CFAP299: variants seen among roughly 807,000 people sequenced by gnomAD.
CFAP299 encodes the protein cilia and flagella associated protein 299, also known as cilia- and flagella-associated protein 299.
Under a neutral mutation model 27.0 loss-of-function variants are expected in CFAP299, and 21 were observed. That is an observed-to-expected ratio of 0.78 (90% CI 0.55 to 1.12). The LOEUF (loss-of-function observed/expected upper bound fraction) is 1.12. Among genes scored for constraint, CFAP299 ranks in the 50% most tolerant of loss-of-function variants. The pLI is 0.00. For synonymous variants in CFAP299, 104 were observed against 98.1 expected (o/e 1.06, Z -0.36); for missense variants, 310 against 276.6 (o/e 1.12, Z -0.86).
intron 2 of CFAP299, among the ~76,000 whole-genome samples, chr4:80,438,482 G>T (rs567121440): frequency 3.9e-5 from 6 of 152,072 alleles, no homozygotes; most frequent in Non-Finnish European, 5.9e-5. Flanking sequence ...TCATCTATTT[G>T]TGAGGATTAA....
intron 2 of CFAP299, among the ~76,000 whole-genome samples, chr4:80,474,849 G>A (rs569021109): frequency 2.6e-4 from 40 of 152,276 alleles, no homozygotes; most frequent in Non-Finnish European, 4.0e-4. Flanking sequence ...TAGTGAGGAA[G>A]AGAGATCATA....
At chr4:80,369,241 A>G (rs184454075) in intron 2 of CFAP299, among the ~76,000 whole-genome samples, 2 of 151,918 alleles carry the variant, frequency 1.3e-5, no homozygotes, top group East Asian at 3.9e-4. Flanking sequence ...TGAGTGATGC[A>G]TCTTGTAACA....
At chr4:80,741,342 G>T (rs879735863) in intron 3 of CFAP299, among the ~76,000 whole-genome samples, 12 of 152,072 alleles carry the variant, frequency 7.9e-5, no homozygotes, top group Non-Finnish European at 1.5e-5. Flanking sequence ...TCCACCTCCT[G>T]GGTTCAAGCA....
At chr4:80,706,124 C>A (rs1323814722) in intron 3 of CFAP299, among the ~76,000 whole-genome samples, 1 of 151,702 alleles carries the variant, frequency 6.6e-6, no homozygotes, top group Non-Finnish European at 1.5e-5. Flanking sequence ...ATGGAATGTT[C>A]TATATTCAGA....
rs115112598 is a variant in CFAP299, at chr4:80,473,666, G to A, written c.243-109427G>A. On this transcript the variant is annotated intron_variant, in intron 2 of 5. Transcript: ENST00000358105. ...GCTCACTGCAGCCTCAACCTCCCAA[G>A]CTCAAGCCTTCTTCCCGCCTCAGCT... is the stretch of plus-strand genomic sequence containing the variant. Among the ~76,000 whole-genome samples the A allele has an allele frequency of 8.6e-3, 1,302 of 152,112 alleles. 19 individuals are homozygous for A. The highest frequency in any genetic ancestry group is 0.03 in the African/African-American group (1,243 of 41,488).
At chr4:80,636,392 CAAT>C (rs1404807280) in intron 3 of CFAP299, among the ~76,000 whole-genome samples, 1 of 151,914 alleles carries the variant, frequency 6.6e-6, no homozygotes, top group Non-Finnish European at 1.5e-5. Flanking sequence ...CAAAGAAAAG[CAAT>C]AAAGTTTACA....
At chr4:80,502,369 G>A (rs1183093217) in intron 2 of CFAP299, among the ~76,000 whole-genome samples, 2 of 152,052 alleles carry the variant, frequency 1.3e-5, no homozygotes, top group African/African-American at 4.8e-5. Flanking sequence ...TGAAGAGCAA[G>A]TCAATTTTAA....
intron 3 of CFAP299, among the ~76,000 whole-genome samples, chr4:80,593,111 G>A (rs1024224158): frequency 6.6e-6 from 1 of 152,084 alleles, no homozygotes; most frequent in East Asian, 1.9e-4. Context: ...GTCTTCACAG[G>A]GTTGTTCTGT....
chr4:80,763,530 C>G (rs1253339411), intron 3 of CFAP299, among the ~76,000 whole-genome samples: 1 of 152,060 alleles, frequency 6.6e-6, no homozygotes, highest in Non-Finnish European at 1.5e-5. Flanking sequence ...GCATACTACT[C>G]ATAGTAATTT....
chr4:80,865,243 G>A lies in CFAP299; in HGVS notation c.334-4750G>A, dbSNP rs150037975. Among the ~76,000 whole-genome samples the A allele has an allele frequency of 2.2e-4, 34 of 152,216 alleles. 2 individuals are homozygous for A. In the East Asian group the frequency reaches 5.2e-3, roughly 23 times the overall value. ...AGAATATAGTGGCTTCTTAATAAAC[G>A]ATAACAAGTATTCATAGAAGAAATA... On this transcript the variant is annotated intron_variant, in intron 3 of 5. Coordinates refer to ENST00000358105, the MANE Select transcript of CFAP299 (RefSeq NM_152770.3).
At chr4:80,870,497 T>C (rs2110168203) in intron 4 of CFAP299, 2 of 993,042 alleles carry the variant, frequency 2.0e-6, no homozygotes, top group South Asian at 9.2e-5. Context: ...CACTTTTCTT[T>C]GGTCACCAGC....
At chr4:80,883,605 AGTAAT>A (rs1363495799) in intron 4 of CFAP299, among the ~76,000 whole-genome samples, 2 of 152,176 alleles carry the variant, frequency 1.3e-5, no homozygotes, top group Non-Finnish European at 2.9e-5. Flanking sequence ...TGTTACATAA[AGTAAT>A]AATTAAAAGA....
chr4:80,673,120 C>A (rs1741599390), intron 3 of CFAP299, among the ~76,000 whole-genome samples: 1 of 152,120 alleles, frequency 6.6e-6, no homozygotes, highest in Non-Finnish European at 1.5e-5. Context: ...GATTTTAGAT[C>A]TTTCCTGCTT....
intron 3 of CFAP299, among the ~76,000 whole-genome samples, chr4:80,606,439 G>A (rs2096783300): frequency 6.6e-6 from 1 of 152,252 alleles, no homozygotes; most frequent in Admixed American, 6.5e-5. Context: ...GGGGGCTGAG[G>A]CAGGAGAATC....
chr4:80,371,070 C>T (rs1489624621), intron 2 of CFAP299, among the ~76,000 whole-genome samples: 1 of 152,218 alleles, frequency 6.6e-6, no homozygotes, highest in African/African-American at 2.4e-5. Context: ...CTCAACTCCT[C>T]CATTCTGTGC....
intron 3 of CFAP299, among the ~76,000 whole-genome samples, chr4:80,690,834 A>C (rs1190637363): frequency 6.6e-6 from 1 of 150,840 alleles, no homozygotes. Flanking sequence ...AGAATCAAAT[A>C]GACGCAATAA....
At chr4:80,408,003 A>G (rs1345420669) in intron 2 of CFAP299, among the ~76,000 whole-genome samples, 2 of 152,192 alleles carry the variant, frequency 1.3e-5, no homozygotes, top group African/African-American at 4.8e-5. Flanking sequence ...GGCTATCTGT[A>G]TAACATTCTG....
At chr4:80,595,027 A>T (rs1329292676) in intron 3 of CFAP299, among the ~76,000 whole-genome samples, 2 of 152,030 alleles carry the variant, frequency 1.3e-5, no homozygotes, top group Non-Finnish European at 2.9e-5. Flanking sequence ...CTCCCCAGGG[A>T]CTTAGTTCCA....
Position 80,381,505 on chromosome 4 carries a change from C to T in CFAP299, c.242+18621C>T, listed in dbSNP as rs1194412807. On this transcript the variant is annotated intron_variant, in intron 2 of 5. Coordinates refer to ENST00000358105, the MANE Select transcript of CFAP299 (RefSeq NM_152770.3). ...TCGGCTCACTGCAAGCTCCGCTTCC[C>T]GGGTTCACGCCATTCTCCTGCCTCA... is the stretch of plus-strand genomic sequence containing the variant. Among the ~76,000 whole-genome samples, 2 of 8,932 alleles carry T rather than the reference C, an allele frequency of 2.2e-4. 1 individual carries two copies. Among genetic ancestry groups the T allele is most frequent in the Admixed American group, 6.1e-3 (2 of 328 alleles). The allele number at this position is 8,932 out of a possible 152,430, so 5.9% of individuals were successfully genotyped here.
Sources: allele counts gnomAD v4.1 joint callset (sites outside exome capture counted in the v4.1 genomes callset), GRCh38; gene constraint gnomAD v4.1.1; transcripts MANE v1.5; gene names NCBI Gene and HGNC (gene_info 2026-07-23, HGNC 2026-07-21).